Variants in CUL4A observed in about 807,000 individuals in gnomAD.
CUL4A encodes the protein cullin 4A.
A neutral mutation model predicts 95.5 loss-of-function variants in CUL4A; 16 were observed. That is an observed-to-expected ratio of 0.17 (90% CI 0.11 to 0.25). The LOEUF is 0.25. CUL4A is among the 10% of genes least tolerant of loss of function. The probability of loss-of-function intolerance (pLI) is 1.00; values close to 1 mark genes in which losing one functional copy is unlikely to be tolerated. For missense variants in CUL4A, 610 were observed against 937.0 expected, an observed-to-expected ratio of 0.65 and a Z score of 4.56; for synonymous variants, 380 against 353.1, an observed-to-expected ratio of 1.08 and a Z score of -0.85.
chr13:113,227,292 G>C (rs1478582054), intron 3 of CUL4A, among the ~76,000 whole-genome samples: 1 of 152,206 alleles, frequency 6.6e-6, no homozygotes, highest in Non-Finnish European at 1.5e-5. Flanking sequence ...CAGGGTCAAG[G>C]CACTGGCAGA....
At chr13:113,232,197 TACCCGCCCACC>T (rs2041363436) in intron 5 of CUL4A, among the ~76,000 whole-genome samples, 1 of 1,426 alleles carries the variant, frequency 7.0e-4, no homozygotes, top group African/African-American at 1.2e-3. Context: ...CTGCCACCAC[TACCCGCCCACC>T]ACCATTACTG....
intron 3 of CUL4A, among the ~76,000 whole-genome samples, chr13:113,226,396 A>G (rs1423738904): frequency 1.3e-5 from 2 of 152,124 alleles, no homozygotes; most frequent in Non-Finnish European, 2.9e-5. Flanking sequence ...TTGACAAGCC[A>G]TTTTCTTAAT....
chr13:113,246,826 A>G (rs1043328826), intron 15 of CUL4A, among the ~76,000 whole-genome samples: 15 of 152,228 alleles, frequency 9.9e-5, no homozygotes, highest in African/African-American at 3.4e-4. Context: ...AGAAATGAAG[A>G]CCAAAGACCC....
chr13:113,244,218 A>T, intron 11 of CUL4A, 192 bp from the exon 12 acceptor site: 1 of 546,386 alleles, frequency 1.8e-6, no homozygotes, highest in Non-Finnish European at 3.3e-6. Context: ...TCCTGGCTTC[A>T]TTAAAATTTT....
chr13:113,253,617 A>G (rs191084453), intron 16 of CUL4A, among the ~76,000 whole-genome samples: 2 of 152,330 alleles, frequency 1.3e-5, no homozygotes, highest in East Asian at 1.9e-4. Context: ...AAGAAGCATA[A>G]ACTGTAGTGA....
At chr13:113,262,842 A>G (rs1029412428) in intron 19 of CUL4A, 4 of 141,404 alleles carry the variant, frequency 2.8e-5, no homozygotes, top group Admixed American at 7.2e-5. Flanking sequence ...GCCCTTGCTG[A>G]TGGCAGATGT....
chr13:113,226,882 ACT>A lies in CUL4A; in HGVS notation c.369-1091_369-1090del, dbSNP rs908201086. Among the ~76,000 whole-genome samples, 12 of 152,208 alleles carry A rather than the reference ACT, an allele frequency of 7.9e-5. No individual in the cohort carries two copies. The East Asian group carries it at 2.3e-3, about 30-fold the overall frequency. ...TAATTTTTAAAAAATAGTCCTAGTG[ACT>A]CTTACCAGGCCAGTCACCATCTCCA... On this transcript the variant is annotated intron_variant, in intron 3 of 19. Coordinates refer to ENST00000375440, the MANE Select transcript of CUL4A (RefSeq NM_001008895.4).
upstream of CUL4A, chr13:113,209,515 C>T: frequency 3.5e-6 from 2 of 574,722 alleles, no homozygotes; most frequent in Non-Finnish European, 2.1e-6. Context: ...GCGGGCGGGG[C>T]GGGGCGGGGC....
In CUL4A at chr13:113,235,083, T is replaced by C; in HGVS notation, c.786T>C (p.His262=). 1.2e-6 allele frequency: 2 copies of C among 1,612,402 alleles called. No homozygotes were observed. The highest frequency in any genetic ancestry group is 1.7e-6 in the Non-Finnish European group (2 of 1,178,574). Residue 262 remains histidine, a synonymous_variant, in exon 8 of 20, where the codon CAT becomes CAC. Transcript: ENST00000375440. The part of the protein sequence containing the change: ...QEREVPEYLN[H]VSKRLEEEGD... ...GTAAGGTTCCAGAATATCTTAACCA[T>C]GTAAGTAAACGCTTAGAGGAAGAGG...
At chr13:113,235,667 A>G (rs951644731) in intron 8 of CUL4A, among the ~76,000 whole-genome samples, 7 of 152,106 alleles carry the variant, frequency 4.6e-5, no homozygotes, top group African/African-American at 1.7e-4. Flanking sequence ...CAAGGGAGAG[A>G]AATGAAAATG....
At chr13:113,260,109 CAGG>C (rs1461874094) in intron 18 of CUL4A, among the ~76,000 whole-genome samples, 1 of 146,428 alleles carries the variant, frequency 6.8e-6, no homozygotes, top group Non-Finnish European at 1.5e-5. Context: ...GAGGCTGAGA[CAGG>C]AGAATGGCGT....
At chr13:113,250,223 G>A (rs751360926) in intron 15 of CUL4A, among the ~76,000 whole-genome samples, 15 of 152,146 alleles carry the variant, frequency 9.9e-5, no homozygotes, top group Admixed American at 2.0e-4. Context: ...ACTTTGGGAA[G>A]CCAAAGATCA....
chr13:113,230,052 G>A (rs897310354), intron 5 of CUL4A: 1 of 203,472 alleles, frequency 4.9e-6, no homozygotes, highest in African/African-American at 2.3e-5. Flanking sequence ...TGACCCCTGT[G>A]TGTCCTCTGT....
rs2042389106 is a variant in CUL4A at position 113,265,867 on chromosome 13, T to G, written c.*2285T>G. On this transcript the variant is annotated 3_prime_UTR_variant, in exon 20 of 20. Transcript: ENST00000375440. ...TAAAAGTGGAAAGGAGAAGGTGAAA[T>G]TACTTGCAGGTTAGATGGTTGCATA... The G allele has an allele frequency of 6.6e-6, 1 of 152,156 alleles. No individual in the cohort carries two copies. The highest frequency in any genetic ancestry group is 2.4e-5 in the African/African-American group (1 of 41,428). 9.4% of individuals were successfully genotyped at this position (152,156 alleles called of 1,614,324 possible). A position where few individuals can be genotyped will look rare whatever the true frequency, so the allele number is the denominator to read the frequency against.
chr13:113,224,019 G>A (rs1193574022), intron 3 of CUL4A, among the ~76,000 whole-genome samples: 2 of 152,148 alleles, frequency 1.3e-5, no homozygotes, highest in Non-Finnish European at 2.9e-5. Flanking sequence ...AGGACCACGT[G>A]CCACCCAGCC....
chr13:113,242,955 T>C lies in CUL4A; in HGVS notation c.1036-13T>C. 6.3e-7 allele frequency: 1 copy of C among 1,594,660 alleles called. No individual in the cohort carries two copies. Among genetic ancestry groups the C allele is most frequent in the Non-Finnish European group, 8.6e-7 (1 of 1,164,472 alleles). ...AAACATGTTGCTGAGTTGGTATTGA[T>C]TTGCTTTTGTAGACTTTTGGAACAG... is the stretch of plus-strand genomic sequence containing the variant. On this transcript the variant is annotated splice_polypyrimidine_tract_variant and intron_variant, in intron 10 of 19. Coordinates refer to ENST00000375440, the MANE Select transcript of CUL4A (RefSeq NM_001008895.4).
chr13:113,233,376 GC>G, intron 6 of CUL4A, 37 bp downstream of exon 6: 1 of 1,572,624 alleles, frequency 6.4e-7, no homozygotes, highest in Non-Finnish European at 8.7e-7. Flanking sequence ...CTGGGTACCT[GC>G]CCAGCTACTT....
intron 2 of CUL4A, among the ~76,000 whole-genome samples, chr13:113,211,600 G>T (rs1292881552): frequency 6.6e-6 from 1 of 152,168 alleles, no homozygotes; most frequent in Non-Finnish European, 1.5e-5. Context: ...GGGCAGGCTG[G>T]TCTCAAACTC....
In CUL4A at chr13:113,265,071, G is replaced by A. The variant is rs1033005526; in HGVS notation, c.*1489G>A. 6.6e-6 allele frequency: 1 copy of A among 152,190 alleles called. No individual in the cohort carries two copies. Among genetic ancestry groups the A allele is most frequent in the Admixed American group, 6.5e-5 (1 of 15,278 alleles). 9.4% of individuals were successfully genotyped at this position (152,190 alleles called of 1,614,324 possible). On this transcript the variant is annotated 3_prime_UTR_variant, in exon 20 of 20. Transcript: ENST00000375440. Reference sequence around the variant, plus strand: ...TTACATTAATAAAACTTTGTGATATGCAAATGACACATTCTTCATAACTCT... The same window carrying A: ...TTACATTAATAAAACTTTGTGATATACAAATGACACATTCTTCATAACTCT...
Sources: gnomAD v4.1 joint callset for allele counts (sites outside exome capture counted in the v4.1 genomes callset) on GRCh38, gnomAD v4.1.1 for gene constraint, MANE v1.5 for transcripts, NCBI Gene and HGNC (gene_info 2026-07-23, HGNC 2026-07-21) for gene names.